The following EYS variants were observed in gnomAD, a reference collection of about 807,000 sequenced individuals.
The protein encoded by EYS is EGF-like photoreceptor maintenance factor, also known as protein eyes shut homolog.
A neutral mutation model predicts 282.1 loss-of-function variants in EYS; 250 were observed. That is an observed-to-expected ratio of 0.89 (90% CI 0.80 to 0.98). The LOEUF is 0.98. Among genes scored for constraint, EYS ranks in the 50% least tolerant of loss-of-function variants. The probability of loss-of-function intolerance (pLI) is 0.00; values close to 1 mark genes in which losing one functional copy is unlikely to be tolerated. For synonymous variants in EYS, 1,355 were observed against 1,282.9 expected (o/e 1.06, Z -1.20); for missense variants, 4,016 against 3,709.0 (o/e 1.08, Z -2.15).
At chr6:65,444,762 G>T (rs1648016239) in intron 5 of EYS, among the ~76,000 whole-genome samples, 1 of 151,962 alleles carries the variant, frequency 6.6e-6, no homozygotes, top group African/African-American at 2.4e-5. Context: ...CTTCTATAGA[G>T]CCTAACAGGT....
intron 30 of EYS, among the ~76,000 whole-genome samples, chr6:64,289,966 G>T (rs892001493): frequency 1.3e-5 from 2 of 151,922 alleles, no homozygotes; most frequent in Admixed American, 1.3e-4. Context: ...GAGAAGGCTG[G>T]ATAATAATAA....
chr6:64,540,475 ATTTTTTTTT>A (rs397888030), intron 26 of EYS, among the ~76,000 whole-genome samples: 2 of 83,510 alleles, frequency 2.4e-5, no homozygotes, highest in East Asian at 3.4e-4. Flanking sequence ...CCAAGTACAG[ATTTTTTTTT>A]TTTTTTTTTT....
chr6:64,423,069 A>G (rs1774288505), intron 28 of EYS, among the ~76,000 whole-genome samples: 1 of 152,168 alleles, frequency 6.6e-6, no homozygotes, highest in Non-Finnish European at 1.5e-5. Flanking sequence ...CATTCAATCA[A>G]TCACTCAGTA....
At chr6:63,780,042 A>C (rs987176741) in intron 39 of EYS, among the ~76,000 whole-genome samples, 2 of 152,144 alleles carry the variant, frequency 1.3e-5, no homozygotes, top group Admixed American at 6.5e-5. Flanking sequence ...ATGATGGTTT[A>C]CAGCTTCATC....
At chr6:63,908,358 G>A (rs778521022) in intron 35 of EYS, among the ~76,000 whole-genome samples, 1 of 151,872 alleles carries the variant, frequency 6.6e-6, no homozygotes, top group Non-Finnish European at 1.5e-5. Flanking sequence ...ATACACTTTT[G>A]GTAAATGTAA....
chr6:64,482,923 T>C (rs1296976176), intron 26 of EYS, among the ~76,000 whole-genome samples: 2 of 151,640 alleles, frequency 1.3e-5, no homozygotes, highest in African/African-American at 4.8e-5. Context: ...ATAAAAGCCA[T>C]AGCAGTGGCA....
intron 30 of EYS, among the ~76,000 whole-genome samples, chr6:64,298,570 C>A (rs1424780933): frequency 5.3e-5 from 8 of 151,862 alleles, no homozygotes; most frequent in Non-Finnish European, 1.0e-4. Flanking sequence ...AAATACTTCA[C>A]TATAAAAGAT....
intron 26 of EYS, among the ~76,000 whole-genome samples, chr6:64,441,456 A>G (rs1436363045): frequency 3.3e-5 from 5 of 152,224 alleles, no homozygotes; most frequent in Non-Finnish European, 7.3e-5. Flanking sequence ...TTGTAACAGG[A>G]GATGATACAT....
intron 5 of EYS, among the ~76,000 whole-genome samples, chr6:65,407,505 C>T (rs1009501631): frequency 7.9e-5 from 12 of 152,114 alleles, no homozygotes; most frequent in African/African-American, 2.4e-4. Flanking sequence ...CTGCCCGTCT[C>T]GGCCTCCCAA....
chr6:64,198,158 C>T (rs577204590), intron 31 of EYS, among the ~76,000 whole-genome samples: 2,286 of 140,584 alleles, frequency 0.016, 56 homozygotes, highest in African/African-American at 0.057. Flanking sequence ...ACGGCCGGCC[C>T]GGCTAATTTT....
chr6:64,672,368 T>C (rs9363080), intron 22 of EYS, among the ~76,000 whole-genome samples: 144,525 of 152,206 alleles, frequency 0.95, 69,056 homozygotes, highest in East Asian at 1. Flanking sequence ...TTTTTTCCCC[T>C]GTCATGAACT....
At chr6:63,854,454 G>C (rs1413712670) in intron 36 of EYS, among the ~76,000 whole-genome samples, 2 of 152,158 alleles carry the variant, frequency 1.3e-5, no homozygotes, top group East Asian at 3.9e-4. Context: ...GGCCTATCAG[G>C]GGGTGGGTGG....
chr6:64,541,661 C>T lies in EYS; in HGVS notation c.5644+48562G>A, dbSNP rs191310078. The stretch of plus-strand genomic sequence containing the variant: ...TTCTTTCAACTTTGCCATTCACCTT[C>T]CTAATCCACTGATATTTCAGGAAAG... On this transcript the variant is annotated intron_variant, in intron 26 of 42. Transcript: ENST00000503581. Among the ~76,000 whole-genome samples the T allele has an allele frequency of 2.0e-3, 299 of 152,270 alleles. No individual in the cohort carries two copies. The South Asian group carries it at 0.02, about 10-fold the overall frequency.
At chr6:64,659,747 G>T (rs1768920145) in intron 22 of EYS, among the ~76,000 whole-genome samples, 1 of 152,032 alleles carries the variant, frequency 6.6e-6, no homozygotes, top group African/African-American at 2.4e-5. Flanking sequence ...AAAACTAAGA[G>T]CTTACCAACC....
intron 12 of EYS, among the ~76,000 whole-genome samples, chr6:65,149,923 C>T (rs757106620): frequency 5.3e-5 from 8 of 152,100 alleles, no homozygotes; most frequent in Non-Finnish European, 1.0e-4. Flanking sequence ...AACTTACAAT[C>T]ATGGAAGAAG....
At chr6:65,090,215 G>A (rs1291677988) in intron 12 of EYS, among the ~76,000 whole-genome samples, 4 of 152,078 alleles carry the variant, frequency 2.6e-5, no homozygotes, top group Non-Finnish European at 5.9e-5. Context: ...TGGATCATGG[G>A]AGTGGCTTAC....
At chr6:65,169,793 T>C (rs1037205414) in intron 12 of EYS, among the ~76,000 whole-genome samples, 4 of 151,456 alleles carry the variant, frequency 2.6e-5, no homozygotes, top group South Asian at 2.1e-4. Context: ...ACACTCTTCT[T>C]TCTAATATAT....
intron 7 of EYS, among the ~76,000 whole-genome samples, chr6:65,388,074 A>G (rs1449830550): frequency 6.6e-6 from 1 of 152,074 alleles, no homozygotes; most frequent in Non-Finnish European, 1.5e-5. Flanking sequence ...GTCCAGACCT[A>G]TGGACTACTT....
intron 1 of EYS, among the ~76,000 whole-genome samples, chr6:65,657,757 T>C (rs772621021): frequency 2.6e-5 from 4 of 151,884 alleles, no homozygotes; most frequent in Non-Finnish European, 5.9e-5. Flanking sequence ...GGATTGACTC[T>C]AATTTTGAAA....
Sources: allele counts gnomAD v4.1 joint callset (sites outside exome capture counted in the v4.1 genomes callset), GRCh38; gene constraint gnomAD v4.1.1; transcripts MANE v1.5; gene names NCBI Gene and HGNC (gene_info 2026-07-23, HGNC 2026-07-21).